Variants in ZSWIM4 observed in about 807,000 individuals in gnomAD.
The protein encoded by ZSWIM4 is zinc finger SWIM-type containing 4.
A neutral mutation model predicts 102.5 loss-of-function variants in ZSWIM4; 62 were observed. That is an observed-to-expected ratio of 0.60 (90% CI 0.49 to 0.75). ZSWIM4 has a LOEUF of 0.75. Ranked by LOEUF, ZSWIM4 falls within the 30% of genes least tolerant of loss-of-function variation. The pLI is 0.00. For synonymous variants in ZSWIM4, 652 were observed against 674.5 expected (o/e 0.97, Z 0.52); for missense variants, 1,280 against 1,529.6 (o/e 0.84, Z 2.72).
chr19:13,818,431 A>T (rs1345568107), intron 9 of ZSWIM4, among the ~76,000 whole-genome samples: 2 of 152,078 alleles, frequency 1.3e-5, no homozygotes, highest in Non-Finnish European at 2.9e-5. Flanking sequence ...ACGCTATCGG[A>T]CTTGCTGGTC....
At chr19:13,822,718 G>A (rs555683770) in intron 10 of ZSWIM4, among the ~76,000 whole-genome samples, 16 of 152,218 alleles carry the variant, frequency 1.1e-4, no homozygotes, top group Middle Eastern at 3.4e-3. Flanking sequence ...CATGGTTCAC[G>A]CCTATAATCC....
Position 13,825,414 on chromosome 19 carries a change from C to T in ZSWIM4, c.2216-136C>T. 9.5e-7 allele frequency: 1 copy of T among 1,047,528 alleles called. No individual in the cohort carries two copies. The highest frequency in any genetic ancestry group is 1.4e-6 in the Non-Finnish European group (1 of 717,224). 64.9% of individuals were successfully genotyped at this position (1,047,528 alleles called of 1,614,324 possible). ...ACTGAGGTCTGAATCTTCACAGAAC[C>T]ATGGCCCAGTACACATCCCTCCACA... On this transcript the variant is annotated intron_variant, in intron 11 of 13. Coordinates refer to ENST00000590508, the MANE Select transcript of ZSWIM4 (RefSeq NM_001367834.3). This position sits in a 1 kb window ranked among gnomAD's most constrained non-coding sequence, Gnocchi z 4.6.
rs527450091 is a variant in ZSWIM4, at chr19:13,829,864, A to T, written c.2462-327A>T. Among the ~76,000 whole-genome samples, 5 of 150,530 alleles carry T rather than the reference A, an allele frequency of 3.3e-5. No individual in the cohort carries two copies. The East Asian group carries it at 7.8e-4, about 23-fold the overall frequency. On this transcript the variant is annotated intron_variant, in intron 13 of 13. Transcript: ENST00000590508. Reference sequence around the variant, plus strand: ...AAAGAGAAGTAGAGACTCTTCAGAGACTCTTCTCCGATTCCAGCCTGTGCT... The same window carrying T: ...AAAGAGAAGTAGAGACTCTTCAGAGTCTCTTCTCCGATTCCAGCCTGTGCT...
Position 13,830,318 on chromosome 19 carries a change from G to A in ZSWIM4, c.2589G>A (p.Ser863=), listed in dbSNP as rs1372735509. 3.7e-6 allele frequency: 6 copies of A among 1,613,474 alleles called. No homozygotes were observed. Among genetic ancestry groups the A allele is most frequent in the Non-Finnish European group, 5.1e-6 (6 of 1,180,030 alleles). ...ATLLRLQLDT[S]RREELWACAR... ...TGCTGCGACTGCAGCTGGACACATCGCGGAGGGAGGAGCTCTGGGCCTGCG... is the reference window on the plus strand; with the variant it reads ...TGCTGCGACTGCAGCTGGACACATCACGGAGGGAGGAGCTCTGGGCCTGCG... Residue 863 remains serine, a synonymous_variant, in exon 14 of 14, where the codon TCG becomes TCA. Coordinates refer to ENST00000590508, the MANE Select transcript of ZSWIM4 (RefSeq NM_001367834.3).
At chr19:13,799,662 C>G in intron 1 of ZSWIM4, 58 bp from the exon 2 acceptor site, 1 of 1,564,780 alleles carries the variant, frequency 6.4e-7, no homozygotes, top group Non-Finnish European at 8.8e-7. Flanking sequence ...TCCTAAGCTT[C>G]CCAAAGCGCT....
intron 1 of ZSWIM4, among the ~76,000 whole-genome samples, chr19:13,797,086 C>T (rs1974632125): frequency 1.3e-5 from 2 of 152,182 alleles, no homozygotes; most frequent in Admixed American, 1.3e-4. Context: ...ATCTGAAAAC[C>T]ATCTCCGAGC....
chr19:13,825,612 C>T lies in ZSWIM4; in HGVS notation c.2278C>T (p.Leu760=). 6.2e-7 allele frequency: 1 copy of T among 1,614,214 alleles called. No homozygotes were observed. The highest frequency in any genetic ancestry group is 1.3e-5 in the African/African-American group (1 of 75,072). Residue 760 remains leucine, a synonymous_variant, in exon 12 of 14, where the codon CTG becomes TTG. Transcript: ENST00000590508. This position sits in a 1 kb window ranked among gnomAD's most constrained non-coding sequence, Gnocchi z 4.6. ...SIQQNIHSPA[L]LFKLAQDACK... is the part of the protein sequence containing the mutation. ...CCAGCAGAACATCCACTCTCCGGCC[C>T]TGCTCTTTAAGCTGGCGCAGGACGC...
In ZSWIM4 at chr19:13,831,084, C is replaced by T; in HGVS notation, c.*34C>T. On this transcript the variant is annotated 3_prime_UTR_variant, in exon 14 of 14. Transcript: ENST00000590508. ...GGGGTGCGTGGGAGTGGGGATCCCC[C>T]TCGCCCCTGCGTCCCCCACCCTTGC... 2 of 1,525,988 alleles carry T rather than the reference C, an allele frequency of 1.3e-6. No individual in the cohort carries two copies. Among genetic ancestry groups the T allele is most frequent in the East Asian group, 2.3e-5 (1 of 44,076 alleles). 94.5% of individuals were successfully genotyped at this position (1,525,988 alleles called of 1,614,324 possible). A position where few individuals can be genotyped will look rare whatever the true frequency, so the allele number is the denominator to read the frequency against.
At chr19:13,813,231 A>C in intron 6 of ZSWIM4, 67 bp downstream of exon 6, 4 of 1,291,244 alleles carry the variant, frequency 3.1e-6, no homozygotes, top group Non-Finnish European at 4.3e-6. Flanking sequence ...CCCACTTACC[A>C]TCATGGTCCT....
chr19:13,813,480 G>A (rs1975166946), intron 6 of ZSWIM4, among the ~76,000 whole-genome samples: 1 of 151,846 alleles, frequency 6.6e-6, no homozygotes, highest in Non-Finnish European at 1.5e-5. Flanking sequence ...AAAAAAGGAG[G>A]AATCAAACAG....
At chr19:13,824,470 G>A (rs1030769405) in intron 11 of ZSWIM4, among the ~76,000 whole-genome samples, 1 of 151,984 alleles carries the variant, frequency 6.6e-6, no homozygotes, top group Non-Finnish European at 1.5e-5. Flanking sequence ...AGTGGTGCAC[G>A]CCTGTAATCC....
At position 13,814,787 on chromosome 19, in the gene ZSWIM4, C is replaced by T. The variant is rs769256969; in HGVS notation, c.1453C>T (p.Arg485Trp). The T allele has an allele frequency of 5.4e-6, 7 of 1,284,756 alleles. No homozygotes were observed. The highest frequency in any genetic ancestry group is 4.6e-5 in the Admixed American group (2 of 43,338). The allele number at this position is 1,284,756 out of a possible 1,614,324, so 79.6% of individuals were successfully genotyped here. The change falls in exon 7 of 14, where the codon CGG becomes TGG. Residue 485 changes from arginine (R) to tryptophan (W), a missense_variant. Physicochemically the swap from Arg to Trp is moderately radical, Grantham distance 101. Transcript: ENST00000590508. ...CCACGGATACCCCCGCCAGGCCCTG[C>T]GGCTGGCAAGTGCCATCATCAACAC... ...RAHGYPRQALRLASAIINTLR... is the reference protein window; with the variant it reads ...RAHGYPRQALWLASAIINTLR...
chr19:13,805,773 AC>A (rs1283166041), intron 3 of ZSWIM4, among the ~76,000 whole-genome samples: 1 of 151,756 alleles, frequency 6.6e-6, no homozygotes, highest in African/African-American at 2.4e-5. Flanking sequence ...GGAGTTCAAG[AC>A]CAGCCTGGAC....
Position 13,830,802 on chromosome 19 carries a change from G to A in ZSWIM4, c.3073G>A (p.Asp1025Asn), listed in dbSNP as rs764230052. ...CCGGGCCGCCAAGCCACTGGGTGCC[G>A]ACCGGGCGCCGCTCTGCCAGCTCCT... The part of the protein sequence containing the change: ...ARRAAKPLGA[D>N]RAPLCQLLDA... The change falls in exon 14 of 14, where the codon GAC becomes AAC. Residue 1025 changes from aspartate to asparagine, a missense_variant. Transcript: ENST00000590508. The A allele has an allele frequency of 2.5e-6, 4 of 1,604,798 alleles. No individual in the cohort carries two copies. The highest frequency in any genetic ancestry group is 1.1e-5 in the South Asian group (1 of 90,188).
chr19:13,819,577 C>G (rs1384208015), intron 10 of ZSWIM4, 85 bp downstream of exon 10: 3 of 1,478,774 alleles, frequency 2.0e-6, no homozygotes, highest in Non-Finnish European at 2.7e-6. Context: ...CCCCACCCAT[C>G]CAGCCTGAAC....
chr19:13,818,562 C>A, intron 9 of ZSWIM4, among the ~76,000 whole-genome samples: 1 of 152,136 alleles, frequency 6.6e-6, no homozygotes, highest in East Asian at 1.9e-4. Flanking sequence ...TTTTCCTTTT[C>A]CTTTTTTCCT....
rs563057098 is a variant in ZSWIM4, at chr19:13,831,413, T to C, written c.*363T>C. Reference sequence around the variant, plus strand: ...CAGGACTTTCCAGAAATCGACCCTCTAAGTCAATGTAGCACATTTTCCCCC... The same window carrying C: ...CAGGACTTTCCAGAAATCGACCCTCCAAGTCAATGTAGCACATTTTCCCCC... On this transcript the variant is annotated 3_prime_UTR_variant, in exon 14 of 14. Coordinates refer to ENST00000590508, the MANE Select transcript of ZSWIM4 (RefSeq NM_001367834.3). 9.3e-5 allele frequency: 18 copies of C among 194,538 alleles called. No individual in the cohort carries two copies. The South Asian group carries it at 2.3e-3, about 25-fold the overall frequency. The allele number at this position is 194,538 out of a possible 1,614,324, so 12.1% of individuals were successfully genotyped here. A position where few individuals can be genotyped will look rare whatever the true frequency, so the allele number is the denominator to read the frequency against.
rs929749399 is a variant in ZSWIM4 at position 13,830,609 on chromosome 19, C to T, written c.2880C>T (p.Ala960=). 9.4e-6 allele frequency: 15 copies of T among 1,600,062 alleles called. No homozygotes were observed. The highest frequency in any genetic ancestry group is 1.7e-5 in the Admixed American group (1 of 60,020). The change falls in exon 14 of 14, where the codon GCC becomes GCT. Residue 960 remains alanine (A), a synonymous_variant. Coordinates refer to ENST00000590508, the MANE Select transcript of ZSWIM4 (RefSeq NM_001367834.3). ...SIAFNQDSHP[A]VNDVLWACSL... is the part of the protein sequence containing the mutation. Reference sequence around the variant, plus strand: ...CCTTCAACCAGGACAGCCACCCTGCCGTCAACGACGTGCTTTGGGCCTGCT... The same window carrying T: ...CCTTCAACCAGGACAGCCACCCTGCTGTCAACGACGTGCTTTGGGCCTGCT...
chr19:13,799,955 C>G (rs1181680254), intron 2 of ZSWIM4, 34 bp downstream of exon 2: 1 of 1,584,896 alleles, frequency 6.3e-7, no homozygotes, highest in African/African-American at 1.3e-5. Context: ...GCTGGGGAGG[C>G]CAGGAGGTCC....
Sources: allele counts gnomAD v4.1 joint callset (sites outside exome capture counted in the v4.1 genomes callset), GRCh38; gene constraint gnomAD v4.1.1; non-coding constraint Gnocchi (gnomAD v3.1); transcripts MANE v1.5; gene names NCBI Gene and HGNC (gene_info 2026-07-23, HGNC 2026-07-21).